The following ZNF791 variants were observed in gnomAD, a reference collection of about 807,000 sequenced individuals.
ZNF791 encodes the protein zinc finger protein 791.
In ZNF791, 4 loss-of-function variants were observed where a neutral mutation model predicts 11.5. The ratio of observed to expected loss-of-function variants is 0.35; its 90% CI spans 0.17 to 0.80. The LOEUF (loss-of-function observed/expected upper bound fraction) is 0.80. Among genes scored for constraint, ZNF791 ranks in the 30% least tolerant of loss-of-function variants. The pLI is 0.53. For missense variants in ZNF791, 559 were observed against 699.4 expected (o/e 0.80, Z 2.26); for synonymous variants, 212 against 228.1 (o/e 0.93, Z 0.64).
rs2145198647 is a variant in ZNF791, at chr19:12,629,909, A to G, written c.*649A>G. 1 of 151,432 alleles carries G rather than the reference A, an allele frequency of 6.6e-6. No homozygotes were observed. The highest frequency in any genetic ancestry group is 1.9e-4 in the East Asian group (1 of 5,158). 9.4% of individuals were successfully genotyped at this position (151,432 alleles called of 1,614,324 possible). A position where few individuals can be genotyped will look rare whatever the true frequency, so the allele number is the denominator to read the frequency against. ...GTACAACACAGCTGGGCATGGTCAC[A>G]CCTGTGATCCCAACACTGGGAGACT... is the stretch of plus-strand genomic sequence containing the variant. On this transcript the variant is annotated 3_prime_UTR_variant, in exon 4 of 4. Transcript: ENST00000343325.
chr19:12,624,998 C>T (rs1009397449), intron 3 of ZNF791, among the ~76,000 whole-genome samples: 24 of 151,348 alleles, frequency 1.6e-4, no homozygotes, highest in Admixed American at 7.9e-4. Context: ...TGCAGCGAGC[C>T]GAGATCGCGC....
chr19:12,622,765 G>A (rs1376173847), intron 1 of ZNF791, among the ~76,000 whole-genome samples: 4 of 152,102 alleles, frequency 2.6e-5, no homozygotes, highest in Non-Finnish European at 5.9e-5. Context: ...GTGGTGGCAC[G>A]CGCCTATAAT....
chr19:12,623,945 TC>T, intron 2 of ZNF791, 119 bp downstream of exon 2: 1 of 963,852 alleles, frequency 1.0e-6, no homozygotes, highest in Non-Finnish European at 1.4e-6. Context: ...AACCTCAGCC[TC>T]CCAGGTTCAA....
intron 1 of ZNF791, among the ~76,000 whole-genome samples, chr19:12,620,554 G>C (rs2082529293): frequency 6.6e-6 from 1 of 152,038 alleles, no homozygotes. Context: ...GACTTGTCAC[G>C]AGGGAGAGCT....
Position 12,628,257 on chromosome 19 carries a change from C to T in ZNF791, c.728C>T (p.Pro243Leu). 6.2e-7 allele frequency: 1 copy of T among 1,613,858 alleles called. No individual in the cohort carries two copies. Among genetic ancestry groups the T allele is most frequent in the Non-Finnish European group, 8.5e-7 (1 of 1,179,902 alleles). The change falls in exon 4 of 4, where the codon CCC (proline) becomes CTC (leucine). Residue 243 changes from proline (P) to leucine (L), a missense_variant. Transcript: ENST00000343325. Reference protein sequence around the residue: ...VHERTHTGEKPYACKECGKAF... With the variant: ...VHERTHTGEKLYACKECGKAF... ...GAAAGAACTCACACTGGAGAGAAAC[C>T]CTATGCATGTAAGGAATGTGGGAAA... is the stretch of plus-strand genomic sequence containing the variant.
chr19:12,611,420 G>A (rs1444345037), intron 1 of ZNF791, among the ~76,000 whole-genome samples: 1 of 152,096 alleles, frequency 6.6e-6, no homozygotes, highest in Non-Finnish European at 1.5e-5. Flanking sequence ...GTCTTCCAAA[G>A]ATGTTGGAAG....
At chr19:12,626,760 A>T (rs976924329) in intron 3 of ZNF791, among the ~76,000 whole-genome samples, 4 of 149,808 alleles carry the variant, frequency 2.7e-5, no homozygotes, top group African/African-American at 9.8e-5. Context: ...GCCCACCACC[A>T]CGCCCGGCTA....
chr19:12,611,145 G>C, intron 1 of ZNF791, 63 bp downstream of exon 1: 1 of 1,604,636 alleles, frequency 6.2e-7, no homozygotes. Context: ...GCCTCCCCAC[G>C]GTCACCTCCG....
chr19:12,623,878 G>A lies in ZNF791; in HGVS notation c.130+52G>A, dbSNP rs75234874. The stretch of plus-strand genomic sequence containing the variant: ...TTCTTTTTTTTTTTTTTTGGGGGGG[G>A]ACAGAGTTTCACTATTGTCCAGGCT... On this transcript the variant is annotated intron_variant, in intron 2 of 3. Coordinates refer to ENST00000343325, the MANE Select transcript of ZNF791 (RefSeq NM_153358.3). The A allele has an allele frequency of 7.3e-5, 67 of 917,966 alleles. No homozygotes were observed. The African/African-American group carries it at 9.8e-4, about 13-fold the overall frequency. 56.9% of individuals were successfully genotyped at this position (917,966 alleles called of 1,614,324 possible).
At position 12,627,705 on chromosome 19, in the gene ZNF791, T is replaced by C; in HGVS notation, c.192-16T>C. The C allele has an allele frequency of 6.3e-7, 1 of 1,591,288 alleles. No homozygotes were observed. On this transcript the variant is annotated splice_polypyrimidine_tract_variant and intron_variant, in intron 3 of 3. Coordinates refer to ENST00000343325, the MANE Select transcript of ZNF791 (RefSeq NM_153358.3). ...TAATACACAACCAGTATTACCGTGC[T>C]TCTAATTTTTTACAGAAGCCATACG...
At position 12,628,131 on chromosome 19, in the gene ZNF791, G is replaced by C. The variant is rs2023455065; in HGVS notation, c.602G>C (p.Ser201Thr). 1 of 1,613,960 alleles carries C rather than the reference G, an allele frequency of 6.2e-7. No individual in the cohort carries two copies. Among genetic ancestry groups the C allele is most frequent in the African/African-American group, 1.3e-5 (1 of 74,898 alleles). The part of the protein sequence containing the change: ...KQCGKALSCS[S>T]SLRVHERIHT... ...TGTGGAAAAGCTCTTAGTTGTTCCA[G>C]TTCGCTTCGAGTTCATGAAAGGATT... Residue 201 changes from serine to threonine, a missense_variant, in exon 4 of 4, where the codon AGT becomes ACT. Physicochemically the swap from Ser to Thr is moderately conservative, Grantham distance 58. Coordinates refer to ENST00000343325, the MANE Select transcript of ZNF791 (RefSeq NM_153358.3).
rs1220210204 is a variant in ZNF791 at position 12,631,015 on chromosome 19, C to T, written c.*1755C>T. The T allele has an allele frequency of 6.6e-6, 1 of 152,138 alleles. No individual in the cohort carries two copies. Among genetic ancestry groups the T allele is most frequent in the Non-Finnish European group, 1.5e-5 (1 of 68,026 alleles). The allele number at this position is 152,138 out of a possible 1,614,324, so 9.4% of individuals were successfully genotyped here. ...TTCTCCATTAGTGTACAGTAACATCCTGGGCCTTCGCATTCACTCACCACT... is the reference window on the plus strand; with the variant it reads ...TTCTCCATTAGTGTACAGTAACATCTTGGGCCTTCGCATTCACTCACCACT... On this transcript the variant is annotated 3_prime_UTR_variant, in exon 4 of 4. Coordinates refer to ENST00000343325, the MANE Select transcript of ZNF791 (RefSeq NM_153358.3).
rs1320272997 is a variant in ZNF791, at chr19:12,632,156, G to A, written c.*2896G>A. ...TTTTTGTATTTTTAGTAGAGATGGG[G>A]TTTCACCGTGTTAAGCCAGGATGGT... is the stretch of plus-strand genomic sequence containing the variant. On this transcript the variant is annotated 3_prime_UTR_variant, in exon 4 of 4. Coordinates refer to ENST00000343325, the MANE Select transcript of ZNF791 (RefSeq NM_153358.3). 1 of 151,770 alleles carries A rather than the reference G, an allele frequency of 6.6e-6. No homozygotes were observed. Among genetic ancestry groups the A allele is most frequent in the African/African-American group, 2.4e-5 (1 of 41,282 alleles). The allele number at this position is 151,770 out of a possible 1,614,324, so 9.4% of individuals were successfully genotyped here.
chr19:12,610,932 C>A lies in ZNF791; in HGVS notation c.-148C>A. 8.9e-7 allele frequency: 1 copy of A among 1,128,352 alleles called. No individual in the cohort carries two copies. Among genetic ancestry groups the A allele is most frequent in the African/African-American group, 1.5e-5 (1 of 65,676 alleles). 69.9% of individuals were successfully genotyped at this position (1,128,352 alleles called of 1,614,324 possible). ...GGCTACGCTGCGCAAATGCGTGCTA[C>A]GTCACTGTGCGATCGGGTTGTGCTT... On this transcript the variant is annotated 5_prime_UTR_variant, in exon 1 of 4. Coordinates refer to ENST00000343325, the MANE Select transcript of ZNF791 (RefSeq NM_153358.3).
At chr19:12,623,858 T>C (rs1479421736) in intron 2 of ZNF791, 32 bp downstream of exon 2, 7 of 1,019,980 alleles carry the variant, frequency 6.9e-6, no homozygotes, top group African/African-American at 3.4e-5. Flanking sequence ...CTTTTTTCTT[T>C]TTTTTTTTTT....
rs1191257242 is a variant in ZNF791, at chr19:12,621,739, G to A, written c.4-1961G>A. 3.4e-5 allele frequency among the ~76,000 whole-genome samples: 4 copies of A among 117,652 alleles called. 2 individuals carry two copies. Among genetic ancestry groups the A allele is most frequent in the African/African-American group, 1.3e-4 (4 of 31,572 alleles). The allele number at this position is 117,652 out of a possible 152,430, so 77.2% of individuals were successfully genotyped here. ...CGGTGGGGGGTCAGCCCCCCTGCCC[G>A]GCCAGCCGCCCCGTCCGGGAGGGAG... On this transcript the variant is annotated intron_variant, in intron 1 of 3. Transcript: ENST00000343325.
chr19:12,612,616 ATT>A (rs767002893), intron 1 of ZNF791, among the ~76,000 whole-genome samples: 67 of 111,486 alleles, frequency 6.0e-4, no homozygotes, highest in Admixed American at 1.0e-3. Flanking sequence ...TAATTTTTGT[ATT>A]TTTTTTTTTT....
intron 1 of ZNF791, among the ~76,000 whole-genome samples, chr19:12,612,751 G>A (rs957416619): frequency 6.7e-6 from 1 of 148,474 alleles, no homozygotes; most frequent in Non-Finnish European, 1.5e-5. Context: ...GAGCCACCAC[G>A]CCAGGCCTTT....
chr19:12,632,378 T>G lies in ZNF791; in HGVS notation c.*3118T>G, dbSNP rs2023511895. 6.6e-6 allele frequency: 1 copy of G among 152,160 alleles called. No individual in the cohort carries two copies. The highest frequency in any genetic ancestry group is 2.4e-5 in the African/African-American group (1 of 41,434). 9.4% of individuals were successfully genotyped at this position (152,160 alleles called of 1,614,324 possible). A position where few individuals can be genotyped will look rare whatever the true frequency, so the allele number is the denominator to read the frequency against. On this transcript the variant is annotated 3_prime_UTR_variant, in exon 4 of 4. Transcript: ENST00000343325. ...AGTTGTTCTCTGAATAAAGAGATTGTTGAATACTGACACACTGTAACTAGG... is the reference window on the plus strand; with the variant it reads ...AGTTGTTCTCTGAATAAAGAGATTGGTGAATACTGACACACTGTAACTAGG...
Sources: gnomAD v4.1 joint callset for allele counts (sites outside exome capture counted in the v4.1 genomes callset) on GRCh38, gnomAD v4.1.1 for gene constraint, MANE v1.5 for transcripts, NCBI Gene and HGNC (gene_info 2026-07-23, HGNC 2026-07-21) for gene names.